Variants in KIF17 observed in about 807,000 individuals in gnomAD.
KIF17 encodes kinesin family member 17, also known as kinesin-like protein KIF17.
A neutral mutation model predicts 96.8 loss-of-function variants in KIF17; 80 were observed. That is an observed-to-expected ratio of 0.83 (90% CI 0.69 to 1.00). The LOEUF is 1.00. Among genes scored for constraint, KIF17 ranks in the 50% least tolerant of loss-of-function variants. KIF17 has a pLI of 0.00. For synonymous variants in KIF17, 567 were observed against 587.5 expected (o/e 0.97, Z 0.51); for missense variants, 1,280 against 1,372.9 (o/e 0.93, Z 1.07).
At chr1:20,701,403 C>G (rs2054233630) in intron 5 of KIF17, among the ~76,000 whole-genome samples, 1 of 152,132 alleles carries the variant, frequency 6.6e-6, no homozygotes, top group South Asian at 2.1e-4. Flanking sequence ...TGCACTCCAG[C>G]CTGGGCGGCA....
At chr1:20,688,199 A>G (rs2053975192) in intron 7 of KIF17, among the ~76,000 whole-genome samples, 1 of 151,914 alleles carries the variant, frequency 6.6e-6, no homozygotes, top group Admixed American at 6.6e-5. Flanking sequence ...GGCACCCGCC[A>G]CCATGCCTGG....
In KIF17 at chr1:20,672,271, T is replaced by C; in HGVS notation, c.2464-75A>G. ...CCATCTAACCACCCTGTCCACTCAC[T>C]GTCCTGCCAGCAGCCACGCATCGTC... is the stretch of plus-strand genomic sequence containing the variant. On this transcript the variant is annotated intron_variant, in intron 11 of 14. Coordinates refer to ENST00000400463, the MANE Select transcript of KIF17 (RefSeq NM_001122819.3). This position sits in a 1 kb window ranked among gnomAD's most constrained non-coding sequence, Gnocchi z 4.3. 6.3e-7 allele frequency: 1 copy of C among 1,578,170 alleles called. No homozygotes were observed. The highest frequency in any genetic ancestry group is 8.6e-7 in the Non-Finnish European group (1 of 1,162,100).
Position 20,704,397 on chromosome 1 carries a change from C to T in KIF17, c.1123+50G>A. 6.7e-7 allele frequency: 1 copy of T among 1,482,794 alleles called. No individual in the cohort carries two copies. Among genetic ancestry groups the T allele is most frequent in the Non-Finnish European group, 9.3e-7 (1 of 1,074,864 alleles). The allele number at this position is 1,482,794 out of a possible 1,614,324, so 91.9% of individuals were successfully genotyped here. A position where few individuals can be genotyped will look rare whatever the true frequency, so the allele number is the denominator to read the frequency against. ...AGGCGAGAAGACAGAGGGAAGGAAG[C>T]TTTCTCCTGGGGACCTGGCCCTCCC... On this transcript the variant is annotated intron_variant, in intron 5 of 14. Transcript: ENST00000400463. The surrounding 1 kb of genome is among the most constrained non-coding windows in gnomAD (Gnocchi z 6.8).
At chr1:20,670,948 T>C (rs533070424) in intron 12 of KIF17, among the ~76,000 whole-genome samples, 4 of 152,288 alleles carry the variant, frequency 2.6e-5, no homozygotes, top group Admixed American at 1.3e-4. Flanking sequence ...CTGGCTTTAC[T>C]CTGAGACTCA....
intron 4 of KIF17, among the ~76,000 whole-genome samples, chr1:20,708,813 C>T (rs906960829): frequency 7.2e-5 from 11 of 152,112 alleles, no homozygotes; most frequent in African/African-American, 2.4e-4. Context: ...AATGGGGCCC[C>T]CAAATAAACA....
chr1:20,704,999 G>A lies in KIF17; in HGVS notation c.671-100C>T. The A allele has an allele frequency of 9.3e-7, 1 of 1,072,776 alleles. No homozygotes were observed. Among genetic ancestry groups the A allele is most frequent in the Non-Finnish European group, 1.4e-6 (1 of 714,532 alleles). 66.5% of individuals were successfully genotyped at this position (1,072,776 alleles called of 1,614,324 possible). A position where few individuals can be genotyped will look rare whatever the true frequency, so the allele number is the denominator to read the frequency against. ...TGGGTGCTCAATGCCCACCCACCGA[G>A]GGTTCCCCTCAGCTGCACAGGAGCC... On this transcript the variant is annotated intron_variant, in intron 4 of 14. Transcript: ENST00000400463. This position sits in a 1 kb window ranked among gnomAD's most constrained non-coding sequence, Gnocchi z 6.8.
chr1:20,665,823 TAAGTG>T (rs1221647614), intron 14 of KIF17, among the ~76,000 whole-genome samples: 1 of 152,224 alleles, frequency 6.6e-6, no homozygotes, highest in African/African-American at 2.4e-5. Context: ...TGGCCCTTGA[TAAGTG>T]AAGTCAATCT....
chr1:20,688,215 T>G (rs1047970083), intron 7 of KIF17, among the ~76,000 whole-genome samples: 1 of 151,738 alleles, frequency 6.6e-6, no homozygotes, highest in Non-Finnish European at 1.5e-5. Context: ...CCTGGCTAAT[T>G]TTTTTTGTAT....
At chr1:20,705,962 G>A (rs2054334684) in intron 4 of KIF17, among the ~76,000 whole-genome samples, 1 of 143,226 alleles carries the variant, frequency 7.0e-6, no homozygotes, top group Non-Finnish European at 1.5e-5. Context: ...AGGCTGGAGT[G>A]CAGTGGTGCA....
At chr1:20,684,678 G>T in intron 10 of KIF17, 131 bp downstream of exon 10, 5 of 891,260 alleles carry the variant, frequency 5.6e-6, no homozygotes, top group Non-Finnish European at 8.7e-6. Context: ...CCTGGAGAGA[G>T]GATCAGGGCC....
Position 20,717,757 on chromosome 1 carries a change from G to A in KIF17, c.-51C>T, listed in dbSNP as rs1347608436. The A allele has an allele frequency of 6.7e-7, 1 of 1,501,256 alleles. No homozygotes were observed. 93.0% of individuals were successfully genotyped at this position (1,501,256 alleles called of 1,614,324 possible). Reference sequence around the variant, plus strand: ...CCAGAGCTGACCCCCGCCCCGCCGGGGACTCCCAGCAGCCCGGGCCAAGGG... The same window carrying A: ...CCAGAGCTGACCCCCGCCCCGCCGGAGACTCCCAGCAGCCCGGGCCAAGGG... On this transcript the variant is annotated 5_prime_UTR_variant, in exon 1 of 15. Transcript: ENST00000400463.
chr1:20,682,829 G>A lies in KIF17; in HGVS notation c.2287C>T (p.Leu763=), dbSNP rs762784041. ...TTGCGCCGCTTGTGCTTCTCCTTCA[G>A]GTCCTTGTTCTTGGCCTGCTCTCCA... The part of the protein sequence containing the change: ...VGGEQAKNKD[L]KEKHKRRKRY... The change falls in exon 11 of 15, where the codon CTG becomes TTG. Residue 763 remains leucine, a synonymous_variant. Transcript: ENST00000400463. The A allele has an allele frequency of 2.5e-6, 4 of 1,612,430 alleles. No homozygotes were observed. In the Admixed American group the frequency reaches 5.0e-5, roughly 20 times the overall value.
intron 11 of KIF17, among the ~76,000 whole-genome samples, chr1:20,681,472 G>A (rs1261185497): frequency 1.3e-5 from 2 of 151,884 alleles, no homozygotes; most frequent in African/African-American, 2.4e-5. Context: ...GATTACAGGC[G>A]AGAGCCACCG....
At position 20,690,352 on chromosome 1, in the gene KIF17, G is replaced by GCCCAC; in HGVS notation, c.1234-18_1234-17insGTGGG. 2.2e-6 allele frequency: 1 copy of GCCCAC among 451,172 alleles called. No individual in the cohort carries two copies. The allele number at this position is 451,172 out of a possible 1,614,324, so 27.9% of individuals were successfully genotyped here. ...TTCATACTCCTGGGGGGGTGGGAGG[G>GCCCAC]ACCAGAGGGCAGGCAGCATTTTATC... On this transcript the variant is annotated splice_polypyrimidine_tract_variant and intron_variant, in intron 6 of 14. Transcript: ENST00000400463.
chr1:20,703,176 T>TGGACGGATGGACGGATGGAC (rs1014455357), intron 5 of KIF17, among the ~76,000 whole-genome samples: 1 of 147,516 alleles, frequency 6.8e-6, no homozygotes, highest in African/African-American at 2.5e-5. Context: ...GATGGATGGA[T>TGGACGGATGGACGGATGGAC]GAATGGATGG....
In KIF17 at chr1:20,710,979, G is replaced by C. The variant is rs542745999; in HGVS notation, c.481-1151C>G. ...GGAGCTGAAGCTTGAGATGACAGAG[G>C]GCAGGTCTCGGCCCAGGCGGCAGCT... On this transcript the variant is annotated intron_variant, in intron 3 of 14. Coordinates refer to ENST00000400463, the MANE Select transcript of KIF17 (RefSeq NM_001122819.3). 4.4e-4 allele frequency among the ~76,000 whole-genome samples: 67 copies of C among 152,168 alleles called. No homozygotes were observed. In the East Asian group the frequency reaches 8.9e-3, roughly 20 times the overall value.
intron 13 of KIF17, among the ~76,000 whole-genome samples, chr1:20,669,326 A>G (rs1183797564): frequency 6.6e-6 from 1 of 151,988 alleles, no homozygotes; most frequent in African/African-American, 2.4e-5. Flanking sequence ...TCACGAGGTC[A>G]GGAGATCGAG....
intron 13 of KIF17, among the ~76,000 whole-genome samples, 181 bp downstream of exon 13, chr1:20,670,239 AG>A (rs1321636085): frequency 6.6e-6 from 1 of 152,050 alleles, no homozygotes; most frequent in Non-Finnish European, 1.5e-5. Flanking sequence ...TGAGGGCCAG[AG>A]GGGGTTGAGG....
At chr1:20,703,056 T>G (rs973832237) in intron 5 of KIF17, among the ~76,000 whole-genome samples, 2 of 151,612 alleles carry the variant, frequency 1.3e-5, no homozygotes, top group Admixed American at 6.6e-5. Flanking sequence ...AATGAATGGG[T>G]GGGTATATGG....
Sources: allele counts gnomAD v4.1 joint callset (sites outside exome capture counted in the v4.1 genomes callset), GRCh38; gene constraint gnomAD v4.1.1; non-coding constraint Gnocchi (gnomAD v3.1); transcripts MANE v1.5; gene names NCBI Gene and HGNC (gene_info 2026-07-23, HGNC 2026-07-21).